The following JPH2 variants were observed in gnomAD, a reference collection of about 807,000 sequenced individuals.
JPH2 encodes junctophilin-2.
In JPH2, 38 loss-of-function variants were observed where a neutral mutation model predicts 55.9. That is an observed-to-expected ratio of 0.68 (90% CI 0.52 to 0.89). The LOEUF (loss-of-function observed/expected upper bound fraction) is 0.89. Ranked by LOEUF, JPH2 falls within the 40% of genes least tolerant of loss-of-function variation. JPH2 has a pLI of 0.00. For missense variants in JPH2, 964 were observed against 1,037.6 expected (o/e 0.93, Z 0.97); for synonymous variants, 480 against 472.4 (o/e 1.02, Z -0.21).
chr20:44,114,113 C>T (rs2145836558), intron 5 of JPH2, among the ~76,000 whole-genome samples: 1 of 152,288 alleles, frequency 6.6e-6, no homozygotes, highest in Admixed American at 6.5e-5. Flanking sequence ...GATGCTTCAC[C>T]TTGAGAGCAG....
intron 2 of JPH2, among the ~76,000 whole-genome samples, chr20:44,146,397 C>A (rs988496240): frequency 6.6e-6 from 1 of 152,112 alleles, no homozygotes; most frequent in African/African-American, 2.4e-5. Context: ...CCCCTCTCTG[C>A]CCAGACCACT....
chr20:44,183,392 A>G (rs1299300320), intron 1 of JPH2, among the ~76,000 whole-genome samples: 1 of 152,250 alleles, frequency 6.6e-6, no homozygotes, highest in African/African-American at 2.4e-5. Context: ...GTCCCCAGCC[A>G]GTGCCGGGTA....
At chr20:44,174,036 G>A (rs1315501648) in intron 1 of JPH2, among the ~76,000 whole-genome samples, 1 of 152,156 alleles carries the variant, frequency 6.6e-6, no homozygotes, top group East Asian at 1.9e-4. Flanking sequence ...CATTGCTAAT[G>A]GGTCATGAGG....
chr20:44,131,458 G>A (rs879317946), intron 2 of JPH2, among the ~76,000 whole-genome samples: 1 of 152,134 alleles, frequency 6.6e-6, no homozygotes, highest in Admixed American at 6.6e-5. Flanking sequence ...GACAACAAAC[G>A]TGTGTTGTTT....
intron 2 of JPH2, among the ~76,000 whole-genome samples, chr20:44,140,030 C>T (rs2072444103): frequency 6.6e-6 from 1 of 152,142 alleles, no homozygotes; most frequent in African/African-American, 2.4e-5. Flanking sequence ...TGCCACCTTG[C>T]CCAGCTAATT....
chr20:44,125,478 A>G (rs2072269115), intron 2 of JPH2, among the ~76,000 whole-genome samples: 1 of 152,212 alleles, frequency 6.6e-6, no homozygotes. Context: ...GTCACACACT[A>G]GAAAGTGAAC....
At chr20:44,115,630 C>A (rs1401897603) in intron 4 of JPH2, 35 bp downstream of exon 4, 1 of 1,611,846 alleles carries the variant, frequency 6.2e-7, no homozygotes, top group South Asian at 1.1e-5. Flanking sequence ...CTCTAGGGAA[C>A]CCGACCTTAG....
chr20:44,160,447 G>GGGTCCCC lies in JPH2; in HGVS notation c.380-47_380-41dup. ...AGGGCGCGTCAGTAGGCGGCACGACGGGTCCCCGCGTGTGCACGGTGGCCT... is the reference window on the plus strand; with the variant it reads ...AGGGCGCGTCAGTAGGCGGCACGACGGGTCCCCGGTCCCCGCGTGTGCACGGTGGCCT... On this transcript the variant is annotated intron_variant, in intron 1 of 5. Transcript: ENST00000372980. This position sits in a 1 kb window ranked among gnomAD's most constrained non-coding sequence, Gnocchi z 4.9. The GGGTCCCC allele has an allele frequency of 6.3e-7, 1 of 1,593,058 alleles. No homozygotes were observed. The highest frequency in any genetic ancestry group is 8.5e-7 in the Non-Finnish European group (1 of 1,170,928).
Position 44,115,658 on chromosome 20 carries a change from G to A in JPH2, c.2010+7C>T, listed in dbSNP as rs1192868057. On this transcript the variant is annotated splice_region_variant and intron_variant, in intron 4 of 5. Coordinates refer to ENST00000372980, the MANE Select transcript of JPH2 (RefSeq NM_020433.5). The stretch of plus-strand genomic sequence containing the variant: ...GACCTTAGGCACACCTTGCCCGACA[G>A]CCTCACCTCTTCCACCTCCACCTCC... The A allele has an allele frequency of 1.9e-6, 3 of 1,612,188 alleles. No individual in the cohort carries two copies. The highest frequency in any genetic ancestry group is 1.7e-5 in the Admixed American group (1 of 60,020).
At chr20:44,177,827 A>T (rs2072747335) in intron 1 of JPH2, 2 of 1,593,818 alleles carry the variant, frequency 1.3e-6, no homozygotes, top group Admixed American at 3.4e-5. Flanking sequence ...GGTTCAGGCC[A>T]TCCTGAATTA....
Position 44,159,600 on chromosome 20 carries a change from C to A in JPH2, c.1169+18G>T. On this transcript the variant is annotated intron_variant, in intron 2 of 5. Coordinates refer to ENST00000372980, the MANE Select transcript of JPH2 (RefSeq NM_020433.5). The surrounding 1 kb of genome is among the most constrained non-coding windows in gnomAD (Gnocchi z 5.7). The stretch of plus-strand genomic sequence containing the variant: ...TCCGAGGGGAGGCGACCCCTTCCCA[C>A]CCCCACCGCTGTCCTACCTGGAGGC... 1 of 1,594,322 alleles carries A rather than the reference C, an allele frequency of 6.3e-7. No homozygotes were observed. Among genetic ancestry groups the A allele is most frequent in the African/African-American group, 1.3e-5 (1 of 74,802 alleles).
chr20:44,185,469 A>AAAT (rs58353544), intron 1 of JPH2, among the ~76,000 whole-genome samples: 126,137 of 149,622 alleles, frequency 0.84, 53,183 homozygotes, highest in Admixed American at 0.86. Flanking sequence ...ACAAAAAAAA[A>AAAT]AATAATAATA....
At position 44,134,588 on chromosome 20, in the gene JPH2, AT is replaced by A. The variant is rs1342310958; in HGVS notation, c.1170-15966del. On this transcript the variant is annotated intron_variant, in intron 2 of 5. Coordinates refer to ENST00000372980, the MANE Select transcript of JPH2 (RefSeq NM_020433.5). ...ATAAATATATATTTATTATAAATAT[AT>A]ATAAATATATATTTATTATAAATAT... Among the ~76,000 whole-genome samples the A allele has an allele frequency of 2.4e-4, 5 of 20,606 alleles. 1 individual carries two copies. Among genetic ancestry groups the A allele is most frequent in the African/African-American group, 3.8e-4 (2 of 5,226 alleles). 13.5% of individuals were successfully genotyped at this position (20,606 alleles called of 152,430 possible). A position where few individuals can be genotyped will look rare whatever the true frequency, so the allele number is the denominator to read the frequency against.
At chr20:44,124,330 C>T (rs1229489921) in intron 2 of JPH2, among the ~76,000 whole-genome samples, 1 of 152,102 alleles carries the variant, frequency 6.6e-6, no homozygotes, top group African/African-American at 2.4e-5. Flanking sequence ...TGACTCTAGG[C>T]CTTTGCTTAG....
intron 2 of JPH2, among the ~76,000 whole-genome samples, chr20:44,137,743 A>G (rs2072424515): frequency 6.6e-6 from 1 of 152,168 alleles, no homozygotes; most frequent in Non-Finnish European, 1.5e-5. Context: ...CCGTTGCCTT[A>G]TCCCATCATA....
rs2145838034 is a variant in JPH2, at chr20:44,115,754, C to CA, written c.1920dup (p.Glu641Ter). On this transcript the variant is annotated frameshift_variant, in exon 4 of 6. Coordinates refer to ENST00000372980, the MANE Select transcript of JPH2 (RefSeq NM_020433.5). LOFTEE classifies it high-confidence loss of function. ...CCCGCCTTGGTCAGCCCTCGAGCCT[C>CA]AGTCTTGCGGGCCTTGGCCCTGGGC... 6.2e-7 allele frequency: 1 copy of CA among 1,613,060 alleles called. No homozygotes were observed. Among genetic ancestry groups the CA allele is most frequent in the Middle Eastern group, 1.7e-4 (1 of 5,970 alleles).
intron 2 of JPH2, among the ~76,000 whole-genome samples, chr20:44,152,742 G>A (rs571890081): frequency 1.3e-5 from 2 of 152,338 alleles, no homozygotes; most frequent in East Asian, 3.9e-4. Context: ...CAGAATCACA[G>A]CCTGAAGTGA....
intron 2 of JPH2, among the ~76,000 whole-genome samples, chr20:44,134,208 T>A (rs1467871336): frequency 3.1e-5 from 1 of 32,380 alleles, no homozygotes; most frequent in South Asian, 1.1e-3. Context: ...AATATATAAA[T>A]ATATATTTAT....
chr20:44,120,344 A>T (rs2072226707), intron 2 of JPH2, among the ~76,000 whole-genome samples: 1 of 152,190 alleles, frequency 6.6e-6, no homozygotes, highest in Admixed American at 6.5e-5. Context: ...CATTGTCTTA[A>T]GTACCTGAGA....
Sources: gnomAD v4.1 joint callset for allele counts (sites outside exome capture counted in the v4.1 genomes callset) on GRCh38, gnomAD v4.1.1 for gene constraint, Gnocchi (gnomAD v3.1) non-coding constraint, MANE v1.5 for transcripts, NCBI Gene and HGNC (gene_info 2026-07-23, HGNC 2026-07-21) for gene names.